Variants in DACH2 observed in about 807,000 individuals in gnomAD.
DACH2 encodes dachshund homolog 2.
DACH2 carries 17 observed loss-of-function variants against 35.8 expected under a neutral mutation model. The observed-to-expected ratio is 0.48, with a 90% confidence interval of 0.33 to 0.71. DACH2 has a LOEUF of 0.71. Ranked by LOEUF, DACH2 falls within the 30% of genes least tolerant of loss-of-function variation. The pLI, the probability that DACH2 is intolerant of heterozygous loss-of-function variation, is 0.02. For missense variants in DACH2, 469 were observed against 472.7 expected, an observed-to-expected ratio of 0.99 and a Z score of 0.07; for synonymous variants, 195 against 177.3, an observed-to-expected ratio of 1.10 and a Z score of -0.79.
At chrX:86,400,366 C>A (rs748860470) in intron 2 of DACH2, among the ~76,000 whole-genome samples, 1 of 111,264 alleles carries the variant, frequency 9.0e-6, no homozygotes, top group African/African-American at 3.3e-5. Context: ...TCTTCTGAAG[C>A]CTTCTCTCAA....
intron 1 of DACH2, among the ~76,000 whole-genome samples, chrX:86,366,080 AC>A (rs2035802375): frequency 9.0e-6 from 1 of 111,080 alleles, no homozygotes; most frequent in Admixed American, 9.6e-5. Flanking sequence ...ACCTTTTCAC[AC>A]CACTATAATT....
At chrX:86,600,612 T>C (rs2039777525) in intron 3 of DACH2, among the ~76,000 whole-genome samples, 1 of 112,236 alleles carries the variant, frequency 8.9e-6, no homozygotes. Context: ...TGGTCAGTGG[T>C]ATATCTGTTA....
chrX:86,548,807 T>A (rs764945515), intron 3 of DACH2, among the ~76,000 whole-genome samples: 5 of 112,487 alleles, frequency 4.4e-5, no homozygotes, highest in Non-Finnish European at 9.4e-5. Flanking sequence ...AACAAATAAT[T>A]TGTATAACAT....
At chrX:86,612,525 T>A (rs926937063) in intron 3 of DACH2, among the ~76,000 whole-genome samples, 1 of 111,676 alleles carries the variant, frequency 9.0e-6, no homozygotes, top group Admixed American at 9.5e-5. Context: ...TTTTTGAATG[T>A]TAAAATGGGA....
At chrX:86,470,089 G>A (rs1347763592) in intron 2 of DACH2, among the ~76,000 whole-genome samples, 1 of 95,494 alleles carries the variant, frequency 1.0e-5, no homozygotes, top group Non-Finnish European at 1.9e-5. Flanking sequence ...TTGAAACAGA[G>A]TTCTGGACAG....
chrX:86,602,673 T>A (rs1367888346), intron 3 of DACH2, among the ~76,000 whole-genome samples: 1 of 112,049 alleles, frequency 8.9e-6, no homozygotes, highest in East Asian at 2.8e-4. Context: ...AGATCTTTTG[T>A]CATATCTTAT....
At chrX:86,617,404 A>G (rs1020405181) in intron 3 of DACH2, among the ~76,000 whole-genome samples, 1 of 111,383 alleles carries the variant, frequency 9.0e-6, no homozygotes, top group Non-Finnish European at 1.9e-5. Flanking sequence ...CTTTCTAGCT[A>G]CAAGCACGAG....
chrX:86,610,363 CTCTTTCTTTCTT>C lies in DACH2; in HGVS notation c.641-40627_641-40616del, dbSNP rs201309617. ...TTCTTTCTCCTTCCTTCCTTCCTTC[CTCTTTCTTTCTT>C]TCTTTCTTTCTTTCTTTCTTTCTTT... On this transcript the variant is annotated intron_variant, in intron 3 of 11. Coordinates refer to ENST00000373125, the MANE Select transcript of DACH2 (RefSeq NM_053281.3). Among the ~76,000 whole-genome samples the C allele has an allele frequency of 9.0e-3, 630 of 70,092 alleles. 2 individuals are homozygous for C. The highest frequency in any genetic ancestry group is 0.024 in the Middle Eastern group (3 of 127). 60.9% of individuals were successfully genotyped at this position (70,092 alleles called of 115,157 possible). A position where few individuals can be genotyped will look rare whatever the true frequency, so the allele number is the denominator to read the frequency against.
chrX:86,599,058 G>GT (rs1430685122), intron 3 of DACH2, among the ~76,000 whole-genome samples: 2 of 110,792 alleles, frequency 1.8e-5, no homozygotes, highest in African/African-American at 6.6e-5. Flanking sequence ...GCGGTGTTTG[G>GT]TTTTTTGTCC....
Position 86,681,955 on chromosome X carries a change from C to T in DACH2, c.773-13066C>T, listed in dbSNP as rs2040886617. ...CAACTTGGCCCTTTTCCTTCAGATG[C>T]TTTGCAGCCTTACCCTCATTTTCAA... is the stretch of plus-strand genomic sequence containing the variant. On this transcript the variant is annotated intron_variant, in intron 4 of 11. Coordinates refer to ENST00000373125, the MANE Select transcript of DACH2 (RefSeq NM_053281.3). Among the ~76,000 whole-genome samples, 2 of 110,868 alleles carry T rather than the reference C, an allele frequency of 1.8e-5. 1 individual carries two copies. Among genetic ancestry groups the T allele is most frequent in the Non-Finnish European group, 3.8e-5 (2 of 53,050 alleles).
intron 1 of DACH2, among the ~76,000 whole-genome samples, chrX:86,299,947 A>G (rs1211969972): frequency 8.9e-6 from 1 of 112,011 alleles, no homozygotes; most frequent in African/African-American, 3.2e-5. Flanking sequence ...TTTATGGGAT[A>G]CATGATAACT....
At chrX:86,525,106 G>A (rs748483487) in intron 3 of DACH2, among the ~76,000 whole-genome samples, 15 of 111,301 alleles carry the variant, frequency 1.3e-4, no homozygotes, top group Non-Finnish European at 2.6e-4. Flanking sequence ...AGACAATAAA[G>A]ATTTGAGCCA....
chrX:86,520,510 T>A (rs1371243804), intron 3 of DACH2, among the ~76,000 whole-genome samples: 1 of 111,420 alleles, frequency 9.0e-6, no homozygotes, highest in Non-Finnish European at 1.9e-5. Flanking sequence ...AGGGCTGAAG[T>A]CTCTTACTAT....
intron 1 of DACH2, among the ~76,000 whole-genome samples, chrX:86,314,559 G>T (rs983403093): frequency 3.6e-5 from 4 of 111,725 alleles, no homozygotes; most frequent in Non-Finnish European, 3.8e-5. Context: ...AGTGAAGCTT[G>T]TGGAAAACCT....
intron 2 of DACH2, among the ~76,000 whole-genome samples, chrX:86,453,623 C>T (rs771215008): frequency 9.0e-6 from 1 of 111,494 alleles, no homozygotes; most frequent in South Asian, 3.7e-4. Flanking sequence ...TTCTAAGAAA[C>T]TATGATTGTA....
intron 1 of DACH2, among the ~76,000 whole-genome samples, chrX:86,176,140 G>T (rs1473321478): frequency 9.0e-6 from 1 of 110,888 alleles, no homozygotes; most frequent in Non-Finnish European, 1.9e-5. Flanking sequence ...AAGAATTGAG[G>T]GTTTATGCAA....
rs1271689314 is a variant in DACH2, at chrX:86,685,058, T to A, written c.773-9963T>A. On this transcript the variant is annotated intron_variant, in intron 4 of 11. Coordinates refer to ENST00000373125, the MANE Select transcript of DACH2 (RefSeq NM_053281.3). ...ACTGATGACCTTTACAATATTTTAC[T>A]TCTTAATGAAGGTGACAGAGTTCCT... Among the ~76,000 whole-genome samples the A allele has an allele frequency of 2.7e-5, 3 of 112,054 alleles. No individual in the cohort carries two copies. In the Admixed American group the frequency reaches 2.9e-4, roughly 11 times the overall value.
rs201204121 is a variant in DACH2 at position 86,353,915 on chromosome X, T to G, written c.489-22909T>G. 0.051 allele frequency among the ~76,000 whole-genome samples: 1,450 copies of G among 28,342 alleles called. 356 individuals carry two copies. In the East Asian group the frequency reaches 0.52, roughly 10 times the overall value. 24.6% of individuals were successfully genotyped at this position (28,342 alleles called of 115,157 possible). A position where few individuals can be genotyped will look rare whatever the true frequency, so the allele number is the denominator to read the frequency against. On this transcript the variant is annotated intron_variant, in intron 1 of 11. Coordinates refer to ENST00000373125, the MANE Select transcript of DACH2 (RefSeq NM_053281.3). ...TTCTCTGTATTTCCTGAATCTGAAC[T>G]TTGGCCTGCCTTGCTAGATTGGGGA...
chrX:86,770,030 G>GA (rs1007874738), intron 7 of DACH2, among the ~76,000 whole-genome samples: 3 of 108,898 alleles, frequency 2.8e-5, no homozygotes, highest in African/African-American at 1.0e-4. Context: ...AAAAAGATAA[G>GA]AAAAAAAAGC....
Sources: gnomAD v4.1 joint callset for allele counts (sites outside exome capture counted in the v4.1 genomes callset) on GRCh38, gnomAD v4.1.1 for gene constraint, MANE v1.5 for transcripts, NCBI Gene and HGNC (gene_info 2026-07-23, HGNC 2026-07-21) for gene names.